PHLDB1: variants seen among roughly 807,000 people sequenced by gnomAD.
PHLDB1 encodes the protein pleckstrin homology-like domain family B member 1.
PHLDB1 carries 65 observed loss-of-function variants against 139.3 expected under a neutral mutation model. That is an observed-to-expected ratio of 0.47 (90% CI 0.38 to 0.57). PHLDB1 has a LOEUF of 0.57. PHLDB1 is among the 20% of genes least tolerant of loss of function. The pLI is 0.00. For missense variants in PHLDB1, 1,624 were observed against 1,839.7 expected (o/e 0.88, Z 2.14); for synonymous variants, 679 against 734.5 (o/e 0.92, Z 1.22).
intron 1 of PHLDB1, chr11:118,613,606 A>G (rs1406690970): frequency 2.3e-5 from 14 of 618,560 alleles, no homozygotes; most frequent in Non-Finnish European, 3.1e-5. Context: ...CAGGACTGGT[A>G]TCCATGCTGT....
At chr11:118,653,492 G>A (rs1408023179) in intron 20 of PHLDB1, 5 of 152,108 alleles carry the variant, frequency 3.3e-5, no homozygotes, top group Non-Finnish European at 7.3e-5. Context: ...GCCACGTTAT[G>A]TGCCACACAC....
In PHLDB1 at chr11:118,632,925, C is replaced by T. The variant is rs1945027920; in HGVS notation, c.2379+629C>T. The T allele has an allele frequency of 2.5e-6, 2 of 790,330 alleles. No individual in the cohort carries two copies. The highest frequency in any genetic ancestry group is 3.1e-6 in the Non-Finnish European group (2 of 652,086). 49.0% of individuals were successfully genotyped at this position (790,330 alleles called of 1,614,324 possible). A position where few individuals can be genotyped will look rare whatever the true frequency, so the allele number is the denominator to read the frequency against. The stretch of plus-strand genomic sequence containing the variant: ...AGTATTTTTCCAATAATTTAATTTT[C>T]CTTCTGGATTTTTTGAGTTTCTTCC... On this transcript the variant is annotated intron_variant, in intron 9 of 22. Transcript: ENST00000600882. The surrounding 1 kb of genome is among the most constrained non-coding windows in gnomAD (Gnocchi z 5.9).
chr11:118,634,580 CA>C, intron 9 of PHLDB1: 2 of 164,546 alleles, frequency 1.2e-5, no homozygotes, highest in African/African-American at 2.4e-5. Context: ...TTCAGGAGAC[CA>C]AAATCTGTGC....
intron 20 of PHLDB1, chr11:118,652,776 G>A (rs545271161): frequency 6.5e-6 from 1 of 152,814 alleles, no homozygotes; most frequent in African/African-American, 2.4e-5. Context: ...AGCAGAGGGA[G>A]AAGGGGCAGG....
intron 12 of PHLDB1, chr11:118,639,887 A>G: frequency 1.0e-6 from 1 of 986,650 alleles, no homozygotes; most frequent in Non-Finnish European, 1.2e-6. Context: ...CCGAGTCCTC[A>G]GAGATGGGGC....
At position 118,613,892 on chromosome 11, in the gene PHLDB1, T is replaced by C. The variant is rs1375582448; in HGVS notation, c.56T>C (p.Val19Ala). The change falls in exon 2 of 23, where the codon GTG becomes GCG. Residue 19 changes from valine to alanine, a missense_variant. Physicochemically the swap from Val to Ala is moderately conservative, Grantham distance 64. Transcript: ENST00000600882. ...IGPGCQTQTM[V>A]QKGPLDLIET... Reference sequence around the variant, plus strand: ...CCTGGATGCCAGACCCAGACCATGGTGCAGGTGAGTGGGATCAGGGCTGTG... The same window carrying C: ...CCTGGATGCCAGACCCAGACCATGGCGCAGGTGAGTGGGATCAGGGCTGTG... The C allele has an allele frequency of 3.1e-6, 5 of 1,597,498 alleles. No individual in the cohort carries two copies. In the African/African-American group the frequency reaches 5.4e-5, roughly 17 times the overall value.
chr11:118,645,936 C>T lies in PHLDB1; in HGVS notation c.3507+111C>T, dbSNP rs988073337. ...GCCCTTCCACCCACATTAGCCTTGC[C>T]ACATTCCCTTGGGGTAGAAAATGTT... On this transcript the variant is annotated intron_variant, in intron 17 of 22. Coordinates refer to ENST00000600882, the MANE Select transcript of PHLDB1 (RefSeq NM_001144758.3). This position sits in a 1 kb window ranked among gnomAD's most constrained non-coding sequence, Gnocchi z 5.1. 1.0e-5 allele frequency: 8 copies of T among 771,926 alleles called. No individual in the cohort carries two copies. In the African/African-American group the frequency reaches 1.4e-4, roughly 13 times the overall value. 47.8% of individuals were successfully genotyped at this position (771,926 alleles called of 1,614,324 possible).
intron 6 of PHLDB1, chr11:118,630,087 G>A: frequency 1.6e-6 from 2 of 1,269,444 alleles, no homozygotes; most frequent in Non-Finnish European, 2.1e-6. Context: ...AGCTGGGTAA[G>A]TGTATGAGAA....
At chr11:118,655,495 A>G in intron 20 of PHLDB1, 110 bp from the exon 21 acceptor site, 1 of 714,388 alleles carries the variant, frequency 1.4e-6, no homozygotes, top group Admixed American at 2.0e-5. Flanking sequence ...GGAGACTAGG[A>G]TCTTCACCCC....
Position 118,635,434 on chromosome 11 carries a change from C to G in PHLDB1, c.2421C>G (p.Asp807Glu). The G allele has an allele frequency of 6.2e-7, 1 of 1,611,136 alleles. No individual in the cohort carries two copies. The highest frequency in any genetic ancestry group is 8.5e-7 in the Non-Finnish European group (1 of 1,178,936). Residue 807 changes from aspartate (D) to glutamate (E), a missense_variant, in exon 10 of 23, where the codon GAC becomes GAG. Transcript: ENST00000600882. ...ALETETKLFE[D>E]LEFQQLERES... ...AGACTGAGACAAAGCTCTTTGAGGA[C>G]TTGGAGTTCCAGCAGTTGGAGCGGG...
At position 118,639,998 on chromosome 11, in the gene PHLDB1, A is replaced by G. The variant is rs527993439; in HGVS notation, c.2736+747A>G. 4.1e-6 allele frequency: 4 copies of G among 986,064 alleles called. No homozygotes were observed. The South Asian group carries it at 1.4e-4, about 35-fold the overall frequency. The allele number at this position is 986,064 out of a possible 1,614,324, so 61.1% of individuals were successfully genotyped here. ...CTTCCACTCTTCTCTGCCCCAAAGC[A>G]CAAGAGGTAATCACAGCTAACTGCG... On this transcript the variant is annotated intron_variant, in intron 12 of 22. Transcript: ENST00000600882.
intron 4 of PHLDB1, among the ~76,000 whole-genome samples, chr11:118,619,496 T>A (rs1462316314): frequency 1.3e-5 from 2 of 152,242 alleles, no homozygotes; most frequent in African/African-American, 4.8e-5. Flanking sequence ...GATAACGATC[T>A]TGACTAATAA....
chr11:118,645,728 T>A lies in PHLDB1; in HGVS notation c.3417-7T>A. 1 of 1,612,732 alleles carries A rather than the reference T, an allele frequency of 6.2e-7. No homozygotes were observed. The highest frequency in any genetic ancestry group is 8.5e-7 in the Non-Finnish European group (1 of 1,178,934). On this transcript the variant is annotated splice_region_variant and splice_polypyrimidine_tract_variant and intron_variant, in intron 16 of 22. Coordinates refer to ENST00000600882, the MANE Select transcript of PHLDB1 (RefSeq NM_001144758.3). This position sits in a 1 kb window ranked among gnomAD's most constrained non-coding sequence, Gnocchi z 5.1. Reference sequence around the variant, plus strand: ...TGATGCACTTCCTCTTCCCCTTCTCTCCCCAGCGCGAGTGGTCTGGACATG... The same window carrying A: ...TGATGCACTTCCTCTTCCCCTTCTCACCCCAGCGCGAGTGGTCTGGACATG...
In PHLDB1 at chr11:118,632,820, C is replaced by T. The variant is rs1945009179; in HGVS notation, c.2379+524C>T. 3 of 985,180 alleles carry T rather than the reference C, an allele frequency of 3.0e-6. No individual in the cohort carries two copies. Among genetic ancestry groups the T allele is most frequent in the Non-Finnish European group, 3.6e-6 (3 of 829,028 alleles). 61.0% of individuals were successfully genotyped at this position (985,180 alleles called of 1,614,324 possible). A position where few individuals can be genotyped will look rare whatever the true frequency, so the allele number is the denominator to read the frequency against. On this transcript the variant is annotated intron_variant, in intron 9 of 22. Transcript: ENST00000600882. The surrounding 1 kb of genome is among the most constrained non-coding windows in gnomAD (Gnocchi z 5.9). ...TGCCCCTTTCAGATTTCGTGCCAGC[C>T]TGCAGGGGCCACTCCCAGATGCCCA...
intron 4 of PHLDB1, among the ~76,000 whole-genome samples, chr11:118,616,443 A>C (rs1399130468): frequency 6.6e-6 from 1 of 152,084 alleles, no homozygotes; most frequent in East Asian, 1.9e-4. Flanking sequence ...CTGTCTCCAC[A>C]TACTATGGGG....
At position 118,632,330 on chromosome 11, in the gene PHLDB1, A is replaced by C; in HGVS notation, c.2379+34A>C. On this transcript the variant is annotated intron_variant, in intron 9 of 22. Transcript: ENST00000600882. This position sits in a 1 kb window ranked among gnomAD's most constrained non-coding sequence, Gnocchi z 5.9. The stretch of plus-strand genomic sequence containing the variant: ...CACCTGGCCCAGCTTAGTGCTGGGT[A>C]CCAGTGGCCTGGGAGAGAAGGAGAA... The C allele has an allele frequency of 6.2e-7, 1 of 1,606,972 alleles. No individual in the cohort carries two copies. Among genetic ancestry groups the C allele is most frequent in the South Asian group, 1.1e-5 (1 of 90,908 alleles).
intron 22 of PHLDB1, 71 bp downstream of exon 22, chr11:118,655,963 C>A (rs1484878403): frequency 1.7e-6 from 2 of 1,145,376 alleles, no homozygotes; most frequent in East Asian, 2.4e-5. Context: ...TGACCCTTGA[C>A]CTCCCCTTCA....
chr11:118,613,984 G>A (rs1414652564), intron 2 of PHLDB1, 88 bp downstream of exon 2: 2 of 827,308 alleles, frequency 2.4e-6, no homozygotes, highest in South Asian at 1.5e-5. Flanking sequence ...GCCCAAGGAT[G>A]AAAGGAGCAA....
At position 118,645,808 on chromosome 11, in the gene PHLDB1, C is replaced by T. The variant is rs143017946; in HGVS notation, c.3490C>T (p.Arg1164Trp). Residue 1164 changes from arginine to tryptophan, a missense_variant, in exon 17 of 23, where the codon CGG (arginine) becomes TGG (tryptophan). Physicochemically the swap from Arg to Trp is moderately radical, Grantham distance 101. Transcript: ENST00000600882. This position sits in a 1 kb window ranked among gnomAD's most constrained non-coding sequence, Gnocchi z 5.1. The part of the protein sequence containing the change: ...MLKEAHAEKN[R>W]LMESREREME... ...GAAAGAGGCTCATGCAGAGAAGAACCGGCTCATGGAGTCGAGGGTGAGTCT... is the reference window on the plus strand; with the variant it reads ...GAAAGAGGCTCATGCAGAGAAGAACTGGCTCATGGAGTCGAGGGTGAGTCT... 1.0e-4 allele frequency: 169 copies of T among 1,611,508 alleles called. No individual in the cohort carries two copies. Among genetic ancestry groups the T allele is most frequent in the Admixed American group, 8.2e-4 (49 of 59,982 alleles).
Sources: gnomAD v4.1 joint callset for allele counts (sites outside exome capture counted in the v4.1 genomes callset) on GRCh38, gnomAD v4.1.1 for gene constraint, Gnocchi (gnomAD v3.1) non-coding constraint, MANE v1.5 for transcripts, NCBI Gene and HGNC (gene_info 2026-07-23, HGNC 2026-07-21) for gene names.